LRRC9: variants seen among roughly 807,000 people sequenced by gnomAD.
The protein encoded by LRRC9 is leucine rich repeat containing 9, also known as leucine-rich repeat-containing protein 9.
LRRC9 carries 122 observed loss-of-function variants against 63.2 expected under a neutral mutation model. The observed-to-expected ratio is 1.93, with a 90% CI of 1.67 to 2.24. The LOEUF (loss-of-function observed/expected upper bound fraction) is 2.24. Ranked by LOEUF, LRRC9 falls within the 30% of genes most tolerant of loss-of-function variation. The pLI is 0.00. For missense variants in LRRC9, 1,071 were observed against 627.7 expected (o/e 1.71, Z -7.55); for synonymous variants, 366 against 213.1 (o/e 1.72, Z -6.25).
Position 60,042,006 on chromosome 14 carries a change from G to A in LRRC9, c.3990+9943G>A, listed in dbSNP as rs1892990923. On this transcript the variant is annotated intron_variant, in intron 29 of 31. Transcript: ENST00000445360. The surrounding 1 kb of genome is among the most constrained non-coding windows in gnomAD (Gnocchi z 4.2). ...AGCTGCAGGTCTGTTGGAGTTTGCT[G>A]GAGGTCCACTCCAGACCCTGTTTGC... Among the ~76,000 whole-genome samples the A allele has an allele frequency of 6.6e-6, 1 of 152,190 alleles. No homozygotes were observed. The highest frequency in any genetic ancestry group is 1.5e-5 in the Non-Finnish European group (1 of 68,040).
intron 29 of LRRC9, among the ~76,000 whole-genome samples, chr14:60,045,388 A>G (rs1893332288): frequency 6.6e-6 from 1 of 152,156 alleles, no homozygotes; most frequent in African/African-American, 2.4e-5. Flanking sequence ...TATTAAGCCA[A>G]GCATCTATTA....
At chr14:60,001,320 A>G (rs1270099776) in intron 19 of LRRC9, among the ~76,000 whole-genome samples, 1 of 152,102 alleles carries the variant, frequency 6.6e-6, no homozygotes, top group Non-Finnish European at 1.5e-5. Flanking sequence ...GACAGTGTTT[A>G]TAATAGCAAA....
intron 2 of LRRC9, 77 bp from the exon 3 acceptor site, chr14:59,928,191 T>A: frequency 1.8e-6 from 1 of 564,894 alleles, no homozygotes; most frequent in Admixed American, 3.4e-5. Context: ...AGTTGACAAT[T>A]TATAATTTCT....
At chr14:59,926,451 T>C (rs1889215631) in intron 1 of LRRC9, among the ~76,000 whole-genome samples, 2 of 152,212 alleles carry the variant, frequency 1.3e-5, no homozygotes, top group Admixed American at 1.3e-4. Flanking sequence ...ATAAATGCCT[T>C]TAAAATAAAA....
At chr14:59,947,486 T>C (rs1452502513) in intron 8 of LRRC9, among the ~76,000 whole-genome samples, 2 of 128,258 alleles carry the variant, frequency 1.6e-5, no homozygotes, top group Non-Finnish European at 3.2e-5. Context: ...TAGTTTCTTT[T>C]GCTGTGCAGA....
At chr14:59,998,133 G>C (rs1339978943) in intron 18 of LRRC9, among the ~76,000 whole-genome samples, 1 of 151,948 alleles carries the variant, frequency 6.6e-6, no homozygotes, top group African/African-American at 2.4e-5. Flanking sequence ...CAAACCTCCA[G>C]ATATTTTATA....
At position 60,053,409 on chromosome 14, in the gene LRRC9, A is replaced by G. The variant is rs1246563319; in HGVS notation, c.4131+204A>G. ...CACACACACACACACACACACACACACACACACACACATATATATGTAAGT... is the reference window on the plus strand; with the variant it reads ...CACACACACACACACACACACACACGCACACACACACATATATATGTAAGT... On this transcript the variant is annotated intron_variant, in intron 30 of 31. Transcript: ENST00000445360. This position sits in a 1 kb window ranked among gnomAD's most constrained non-coding sequence, Gnocchi z 4.8. Among the ~76,000 whole-genome samples, 1 of 92,012 alleles carries G rather than the reference A, an allele frequency of 1.1e-5. No individual in the cohort carries two copies. The highest frequency in any genetic ancestry group is 2.7e-4 in the East Asian group (1 of 3,676). 60.4% of individuals were successfully genotyped at this position (92,012 alleles called of 152,430 possible). A position where few individuals can be genotyped will look rare whatever the true frequency, so the allele number is the denominator to read the frequency against.
Position 59,938,998 on chromosome 14 carries a change from CATATACATATATACACATATAT to C in LRRC9, c.726+450_726+471del, listed in dbSNP as rs1371630213. ...ATATACATATATACACACATATATA[CATATACATATATACACATATAT>C]ATATACATATATACACATATATACA... On this transcript the variant is annotated intron_variant, in intron 7 of 31. Coordinates refer to ENST00000445360, the Ensembl canonical transcript of LRRC9. The surrounding 1 kb of genome is among the most constrained non-coding windows in gnomAD (Gnocchi z 4.2). Among the ~76,000 whole-genome samples, 20 of 127,038 alleles carry C rather than the reference CATATACATATATACACATATAT, an allele frequency of 1.6e-4. No individual in the cohort carries two copies. Among genetic ancestry groups the C allele is most frequent in the Non-Finnish European group, 2.4e-4 (15 of 61,854 alleles). The allele number at this position is 127,038 out of a possible 152,430, so 83.3% of individuals were successfully genotyped here. A position where few individuals can be genotyped will look rare whatever the true frequency, so the allele number is the denominator to read the frequency against.
intron 29 of LRRC9, among the ~76,000 whole-genome samples, chr14:60,033,267 C>T (rs1237211596): frequency 6.6e-6 from 1 of 151,958 alleles, no homozygotes; most frequent in East Asian, 1.9e-4. Context: ...GCAAATTTGA[C>T]TATCATTTCT....
At chr14:60,054,215 C>T (rs1894108648) in intron 30 of LRRC9, among the ~76,000 whole-genome samples, 1 of 152,230 alleles carries the variant, frequency 6.6e-6, no homozygotes, top group Non-Finnish European at 1.5e-5. Context: ...AGGCTCCTCT[C>T]TAGTCCACTT....
chr14:59,977,909 C>T, intron 14 of LRRC9, 108 bp from the exon 15 acceptor site: 1 of 520,478 alleles, frequency 1.9e-6, no homozygotes. Context: ...AATAATATAA[C>T]TGTTGCAACT....
intron 17 of LRRC9, among the ~76,000 whole-genome samples, chr14:59,987,437 T>G: frequency 9.2e-5 from 2 of 21,632 alleles, no homozygotes; most frequent in Non-Finnish European, 3.3e-4. Context: ...CACCCAGAGA[T>G]CAACCTTAAC....
intron 9 of LRRC9, 143 bp from the exon 10 acceptor site, chr14:59,960,771 G>GT: frequency 2.2e-6 from 1 of 461,274 alleles, no homozygotes; most frequent in South Asian, 5.0e-5. Context: ...CTTTGACATG[G>GT]TTTAACTGTT....
At chr14:59,979,013 A>G (rs200110428) in intron 15 of LRRC9, among the ~76,000 whole-genome samples, 2 of 152,178 alleles carry the variant, frequency 1.3e-5, no homozygotes, top group African/African-American at 4.8e-5. Context: ...AATTATTTAG[A>G]GTTGTACGAA....
chr14:59,953,891 T>C (rs1257021686), intron 8 of LRRC9, among the ~76,000 whole-genome samples: 1 of 152,204 alleles, frequency 6.6e-6, no homozygotes, highest in Admixed American at 6.5e-5. Flanking sequence ...CTAGCCAGTT[T>C]TCTCAGCACC....
Position 60,031,878 on chromosome 14 carries a change from G to T in LRRC9, c.3922-117G>T. On this transcript the variant is annotated intron_variant, in intron 28 of 31. Coordinates refer to ENST00000445360, the Ensembl canonical transcript of LRRC9. This position sits in a 1 kb window ranked among gnomAD's most constrained non-coding sequence, Gnocchi z 4.6. Reference sequence around the variant, plus strand: ...TACTGTCACTCAAGCTCACTTCAGAGAATTCAATCATGAGCTAGCTGCAAA... The same window carrying T: ...TACTGTCACTCAAGCTCACTTCAGATAATTCAATCATGAGCTAGCTGCAAA... 3 of 613,456 alleles carry T rather than the reference G, an allele frequency of 4.9e-6. No individual in the cohort carries two copies. In the South Asian group the frequency reaches 6.0e-5, roughly 12 times the overall value. 38.0% of individuals were successfully genotyped at this position (613,456 alleles called of 1,614,324 possible).
chr14:60,062,607 C>T (rs1038232316), intron 31 of LRRC9, among the ~76,000 whole-genome samples: 4 of 152,294 alleles, frequency 2.6e-5, no homozygotes, highest in South Asian at 2.1e-4. Flanking sequence ...TAAATTCTTC[C>T]GAATTTTCTT....
chr14:60,033,256 T>G (rs1435174308), intron 29 of LRRC9, among the ~76,000 whole-genome samples: 1 of 152,138 alleles, frequency 6.6e-6, no homozygotes, highest in East Asian at 1.9e-4. Flanking sequence ...GATTATTATC[T>G]GCAAATTTGA....
intron 25 of LRRC9, 118 bp downstream of exon 25, chr14:60,018,597 T>C: frequency 2.5e-6 from 1 of 396,424 alleles, no homozygotes; most frequent in Non-Finnish European, 4.5e-6. Flanking sequence ...AAATTTTCTT[T>C]GGGTTTTTTT....
Sources: gnomAD v4.1 joint callset for allele counts (sites outside exome capture counted in the v4.1 genomes callset) on GRCh38, gnomAD v4.1.1 for gene constraint, Gnocchi (gnomAD v3.1) non-coding constraint, MANE v1.5 for transcripts, NCBI Gene and HGNC (gene_info 2026-07-23, HGNC 2026-07-21) for gene names.